Variants in HIPK2 observed in about 807,000 individuals in gnomAD.
HIPK2 encodes the protein homeodomain interacting protein kinase 2, also known as homeodomain-interacting protein kinase 2.
Under a neutral mutation model 113.7 loss-of-function variants are expected in HIPK2, and 27 were observed. That is an observed-to-expected ratio of 0.24 (90% CI 0.17 to 0.33). The LOEUF (loss-of-function observed/expected upper bound fraction) is 0.33, where lower values mean the gene tolerates loss of function less well. HIPK2 is among the 10% of genes least tolerant of loss of function. The pLI, the probability that HIPK2 is intolerant of heterozygous loss-of-function variation, is 1.00. For missense variants in HIPK2, 1,257 were observed against 1,588.0 expected, an observed-to-expected ratio of 0.79 and a Z score of 3.54; for synonymous variants, 631 against 642.2, an observed-to-expected ratio of 0.98 and a Z score of 0.26.
intron 1 of HIPK2, among the ~76,000 whole-genome samples, chr7:139,757,239 C>T (rs1199754057): frequency 6.6e-6 from 1 of 152,106 alleles, no homozygotes; most frequent in Non-Finnish European, 1.5e-5. Flanking sequence ...CCAGGCTTTC[C>T]CGGAGGAAAA....
Position 139,568,832 on chromosome 7 carries a change from T to C in HIPK2, c.*4095A>G, listed in dbSNP as rs1798171509. On this transcript the variant is annotated 3_prime_UTR_variant, in exon 15 of 15. Coordinates refer to ENST00000406875, the MANE Select transcript of HIPK2 (RefSeq NM_022740.5). ...TGGGGCTTCTGATGTGGCAGCTCCA[T>C]GCATGGGGGTAGAGGAGGCCATTGG... The C allele has an allele frequency of 2.0e-5, 3 of 152,274 alleles. No individual in the cohort carries two copies. The highest frequency in any genetic ancestry group is 1.3e-4 in the Admixed American group (2 of 15,286). The allele number at this position is 152,274 out of a possible 1,614,324, so 9.4% of individuals were successfully genotyped here.
intron 2 of HIPK2, among the ~76,000 whole-genome samples, chr7:139,692,972 G>A (rs1421163796): frequency 6.6e-6 from 1 of 152,188 alleles, no homozygotes; most frequent in African/African-American, 2.4e-5. Flanking sequence ...TGATTCTGCT[G>A]TCATGAAGAG....
chr7:139,630,990 G>T lies in HIPK2; in HGVS notation c.1347+175C>A. 1 of 400,990 alleles carries T rather than the reference G, an allele frequency of 2.5e-6. No homozygotes were observed. Among genetic ancestry groups the T allele is most frequent in the Non-Finnish European group, 3.4e-6 (1 of 295,916 alleles). The allele number at this position is 400,990 out of a possible 1,614,324, so 24.8% of individuals were successfully genotyped here. A position where few individuals can be genotyped will look rare whatever the true frequency, so the allele number is the denominator to read the frequency against. On this transcript the variant is annotated intron_variant, in intron 4 of 14. Transcript: ENST00000406875. The surrounding 1 kb of genome is among the most constrained non-coding windows in gnomAD (Gnocchi z 4.0). Reference sequence around the variant, plus strand: ...GTTGGACTCTCACAGGCGGCGATAGGCCAAGGGAAAGAGGGGCTTCTGAGC... The same window carrying T: ...GTTGGACTCTCACAGGCGGCGATAGTCCAAGGGAAAGAGGGGCTTCTGAGC...
chr7:139,695,644 T>C (rs1794540573), intron 2 of HIPK2, among the ~76,000 whole-genome samples: 1 of 152,220 alleles, frequency 6.6e-6, no homozygotes, highest in African/African-American at 2.4e-5. Context: ...AAAACCCATA[T>C]AAACTTCCAA....
At chr7:139,751,222 T>C (rs1011847698) in intron 1 of HIPK2, among the ~76,000 whole-genome samples, 2 of 151,558 alleles carry the variant, frequency 1.3e-5, no homozygotes, top group African/African-American at 4.9e-5. Context: ...ACAATCAGAG[T>C]GAAACATTTA....
chr7:139,758,544 A>G (rs533804569), intron 1 of HIPK2, among the ~76,000 whole-genome samples: 1 of 152,282 alleles, frequency 6.6e-6, no homozygotes, highest in South Asian at 2.1e-4. Context: ...CAGGCCACAC[A>G]GCAGGAGGTG....
intron 2 of HIPK2, among the ~76,000 whole-genome samples, chr7:139,677,042 G>A (rs1802526083): frequency 6.6e-6 from 1 of 151,830 alleles, no homozygotes; most frequent in Non-Finnish European, 1.5e-5. Context: ...TGCATTTTTA[G>A]TGGAGATGGG....
intron 5 of HIPK2, among the ~76,000 whole-genome samples, chr7:139,628,450 T>A (rs2116880893): frequency 6.6e-6 from 1 of 152,332 alleles, no homozygotes; most frequent in East Asian, 1.9e-4. Context: ...ATTGTTTTTT[T>A]GTTTTTTTTG....
chr7:139,584,197 A>C, intron 12 of HIPK2, 133 bp from the exon 13 acceptor site: 1 of 1,214,046 alleles, frequency 8.2e-7, no homozygotes, highest in East Asian at 2.4e-5. Flanking sequence ...GCCCTCCCTA[A>C]CCCCCATAGG....
At chr7:139,594,313 T>C (rs1056163045) in intron 12 of HIPK2, among the ~76,000 whole-genome samples, 2 of 152,238 alleles carry the variant, frequency 1.3e-5, no homozygotes, top group African/African-American at 2.4e-5. Context: ...GCAAACCTCA[T>C]GAGGACACAA....
At chr7:139,681,977 T>G (rs1802716578) in intron 2 of HIPK2, among the ~76,000 whole-genome samples, 1 of 152,158 alleles carries the variant, frequency 6.6e-6, no homozygotes, top group African/African-American at 2.4e-5. Flanking sequence ...GGCATCACAG[T>G]GGAGCCCTCG....
chr7:139,672,106 C>T (rs965481461), intron 2 of HIPK2, among the ~76,000 whole-genome samples: 2 of 151,990 alleles, frequency 1.3e-5, no homozygotes, highest in South Asian at 4.1e-4. Context: ...CAATATTTAT[C>T]TAGTGACCAC....
rs537825215 is a variant in HIPK2, at chr7:139,588,135, T to C, written c.2718-4071A>G. Among the ~76,000 whole-genome samples, 19 of 151,752 alleles carry C rather than the reference T, an allele frequency of 1.3e-4. No individual in the cohort carries two copies. In the East Asian group the frequency reaches 2.0e-3, roughly 16 times the overall value. On this transcript the variant is annotated intron_variant, in intron 12 of 14. Coordinates refer to ENST00000406875, the MANE Select transcript of HIPK2 (RefSeq NM_022740.5). ...GAGTTCGACACCAGCCTGGCCAACA[T>C]TGCAAAACCCCGTCTCTACTAAAAA...
chr7:139,769,533 T>G (rs1796614020), intron 1 of HIPK2, among the ~76,000 whole-genome samples: 1 of 152,254 alleles, frequency 6.6e-6, no homozygotes. Context: ...TAGTCTATTT[T>G]GTGCTTACCA....
intron 2 of HIPK2, among the ~76,000 whole-genome samples, chr7:139,675,771 T>C (rs988185649): frequency 1.3e-5 from 2 of 152,124 alleles, no homozygotes; most frequent in Non-Finnish European, 2.9e-5. Flanking sequence ...TCTAGTGACA[T>C]GAACTGGGAC....
intron 1 of HIPK2, among the ~76,000 whole-genome samples, chr7:139,731,002 G>C (rs984556770): frequency 6.6e-6 from 1 of 152,170 alleles, no homozygotes; most frequent in Admixed American, 6.5e-5. Flanking sequence ...TGGAGTCTTC[G>C]AGGGAACGTG....
intron 2 of HIPK2, among the ~76,000 whole-genome samples, chr7:139,696,833 G>C (rs1794581453): frequency 6.6e-6 from 1 of 152,158 alleles, no homozygotes; most frequent in Non-Finnish European, 1.5e-5. Context: ...CTTCCTCAGA[G>C]AGATGAATGT....
intron 2 of HIPK2, among the ~76,000 whole-genome samples, chr7:139,662,352 C>G (rs1014998863): frequency 6.6e-6 from 1 of 152,200 alleles, no homozygotes; most frequent in African/African-American, 2.4e-5. Flanking sequence ...TATTTCCCTG[C>G]CAGAACTCTC....
In HIPK2 at chr7:139,584,001, G is replaced by A. The variant is rs536797243; in HGVS notation, c.2781C>T (p.Ser927=). Residue 927 remains serine, a synonymous_variant, in exon 13 of 15, where the codon TCC becomes TCT. Coordinates refer to ENST00000406875, the MANE Select transcript of HIPK2 (RefSeq NM_022740.5). ...AGGGGCTGGTGTTGCTGGAGGAGTC[G>A]GAGTAGGGGGAGTCGTGGACTGTGA... ...SCVTVHDSPY[S]DSSSNTSPYS... is the part of the protein sequence containing the mutation. The A allele has an allele frequency of 5.0e-6, 8 of 1,613,542 alleles. No individual in the cohort carries two copies. The highest frequency in any genetic ancestry group is 2.2e-5 in the East Asian group (1 of 44,876).
Sources: gnomAD v4.1 joint callset for allele counts (sites outside exome capture counted in the v4.1 genomes callset) on GRCh38, gnomAD v4.1.1 for gene constraint, Gnocchi (gnomAD v3.1) non-coding constraint, MANE v1.5 for transcripts, NCBI Gene and HGNC (gene_info 2026-07-23, HGNC 2026-07-21) for gene names.